Variants in DCP1B observed in about 807,000 individuals in gnomAD.
DCP1B encodes decapping mRNA 1B, also known as mRNA-decapping enzyme 1B.
Under a neutral mutation model 60.5 loss-of-function variants are expected in DCP1B, and 47 were observed. The ratio of observed to expected loss-of-function variants is 0.78; its 90% CI spans 0.61 to 0.99. The LOEUF is 0.99. Ranked by LOEUF, DCP1B falls within the 50% of genes least tolerant of loss-of-function variation. DCP1B has a pLI of 0.00. For synonymous variants in DCP1B, 267 were observed against 280.3 expected (o/e 0.95, Z 0.47); for missense variants, 725 against 756.8 (o/e 0.96, Z 0.49).
intron 4 of DCP1B, among the ~76,000 whole-genome samples, chr12:1,967,473 G>A (rs1160174678): frequency 1.3e-5 from 2 of 152,186 alleles, no homozygotes; most frequent in Admixed American, 6.5e-5. Context: ...TTACAGAATC[G>A]GGAGCAGACT....
intron 7 of DCP1B, among the ~76,000 whole-genome samples, chr12:1,952,106 A>T (rs936737787): frequency 6.6e-6 from 1 of 152,226 alleles, no homozygotes. Context: ...TACGTGACAC[A>T]TTGGTCCCTA....
chr12:1,961,861 T>C, intron 5 of DCP1B, among the ~76,000 whole-genome samples: 1 of 152,166 alleles, frequency 6.6e-6, no homozygotes, highest in Middle Eastern at 3.2e-3. Flanking sequence ...CAGAACCGTA[T>C]ATGAGTGTTT....
At chr12:1,950,396 T>C (rs2030621730) in intron 7 of DCP1B, 1 of 702,270 alleles carries the variant, frequency 1.4e-6, no homozygotes, top group Non-Finnish European at 2.6e-6. Context: ...TCAAGGGAGT[T>C]GTACATCAGA....
At chr12:1,945,527 T>C (rs1481849089), downstream of DCP1B, among the ~76,000 whole-genome samples, 7 of 152,324 alleles carry the variant, frequency 4.6e-5, no homozygotes, top group Non-Finnish European at 8.8e-5. Flanking sequence ...ACCCAAAGGA[T>C]TGTAACTCTA....
intron 5 of DCP1B, among the ~76,000 whole-genome samples, chr12:1,958,525 G>A (rs563599954): frequency 2.8e-5 from 4 of 143,072 alleles, no homozygotes; most frequent in South Asian, 2.3e-4. Context: ...CCCTAACGTC[G>A]CTCTGCGCAA....
At chr12:1,965,132 T>C (rs1203997693) in intron 5 of DCP1B, among the ~76,000 whole-genome samples, 1 of 152,208 alleles carries the variant, frequency 6.6e-6, no homozygotes, top group Non-Finnish European at 1.5e-5. Context: ...TATATTTCCA[T>C]TTGTTTGAGT....
chr12:1,955,815 C>G (rs2030864843), intron 5 of DCP1B, among the ~76,000 whole-genome samples: 2 of 152,252 alleles, frequency 1.3e-5, no homozygotes, highest in Admixed American at 1.3e-4. Flanking sequence ...ACCAGGGGTT[C>G]TTAAGACACC....
Position 1,971,689 on chromosome 12 carries a change from C to T in DCP1B, c.320-3779G>A, listed in dbSNP as rs146252613. 5.2e-4 allele frequency among the ~76,000 whole-genome samples: 79 copies of T among 152,306 alleles called. No homozygotes were observed. The highest frequency in any genetic ancestry group is 1.7e-3 in the African/African-American group (72 of 41,568). ...GCCATTAAAGGCAGTGTCATGTCAG[C>T]GTCATTCAAATGTACATTTTCATTT... is the stretch of plus-strand genomic sequence containing the variant. On this transcript the variant is annotated intron_variant, in intron 3 of 8. Coordinates refer to ENST00000280665, the MANE Select transcript of DCP1B (RefSeq NM_152640.5). The surrounding 1 kb of genome is among the most constrained non-coding windows in gnomAD (Gnocchi z 4.2).
At chr12:1,959,340 A>G (rs2031036116) in intron 5 of DCP1B, among the ~76,000 whole-genome samples, 1 of 152,248 alleles carries the variant, frequency 6.6e-6, no homozygotes, top group African/African-American at 2.4e-5. Context: ...ACATACGATA[A>G]GAGATTCATG....
intron 3 of DCP1B, among the ~76,000 whole-genome samples, chr12:1,975,212 A>G (rs1309069608): frequency 1.3e-5 from 2 of 152,132 alleles, no homozygotes; most frequent in Non-Finnish European, 2.9e-5. Context: ...AAAACCCTTT[A>G]TGTTTAAACA....
intron 5 of DCP1B, among the ~76,000 whole-genome samples, chr12:1,963,603 T>C (rs1183152999): frequency 6.6e-6 from 1 of 152,212 alleles, no homozygotes; most frequent in Non-Finnish European, 1.5e-5. Context: ...TTTAATCCAT[T>C]GTAGTCACTC....
At chr12:1,996,531 A>G (rs557307465) in intron 2 of DCP1B, among the ~76,000 whole-genome samples, 1 of 149,060 alleles carries the variant, frequency 6.7e-6, no homozygotes, top group East Asian at 2.0e-4. Flanking sequence ...AGGGGTGTCC[A>G]ATCTTTTGGC....
intron 1 of DCP1B, among the ~76,000 whole-genome samples, chr12:2,000,234 A>G (rs2041878712): frequency 6.6e-6 from 1 of 152,240 alleles, no homozygotes; most frequent in Non-Finnish European, 1.5e-5. Context: ...TTACATTGTT[A>G]GGAAACTGAG....
At chr12:1,991,141 T>C (rs2039306837) in intron 3 of DCP1B, 1 of 456,118 alleles carries the variant, frequency 2.2e-6, no homozygotes, top group Non-Finnish European at 4.4e-6. Context: ...CATCCATGTT[T>C]AATAGTAGAG....
At chr12:1,975,104 C>T (rs2033907370) in intron 3 of DCP1B, among the ~76,000 whole-genome samples, 1 of 152,126 alleles carries the variant, frequency 6.6e-6, no homozygotes, top group Non-Finnish European at 1.5e-5. Flanking sequence ...GTGCTACTTC[C>T]TGATTAAAGA....
chr12:1,987,502 C>T (rs1480732748), intron 3 of DCP1B, among the ~76,000 whole-genome samples: 1 of 152,014 alleles, frequency 6.6e-6, no homozygotes, highest in Admixed American at 6.6e-5. Flanking sequence ...GCAAATAGAA[C>T]CCTTCTCTAG....
intron 5 of DCP1B, among the ~76,000 whole-genome samples, chr12:1,958,093 T>C (rs1486035813): frequency 2.0e-5 from 3 of 150,806 alleles, no homozygotes; most frequent in Non-Finnish European, 4.4e-5. Context: ...GCTTTTTCTA[T>C]GAACCTCCTG....
intron 3 of DCP1B, among the ~76,000 whole-genome samples, chr12:1,972,842 G>T (rs1196748971): frequency 5.2e-4 from 79 of 152,224 alleles, no homozygotes; most frequent in Non-Finnish European, 1.0e-4. Context: ...GGGAGGGAGG[G>T]AGAGGGAGAA....
intron 3 of DCP1B, chr12:1,991,567 T>C (rs2039430573): frequency 4.1e-6 from 1 of 246,096 alleles, no homozygotes; most frequent in African/African-American, 2.3e-5. Context: ...TTTTGCACTG[T>C]CTGACAGTTG....
Sources: allele counts gnomAD v4.1 joint callset (sites outside exome capture counted in the v4.1 genomes callset), GRCh38; gene constraint gnomAD v4.1.1; non-coding constraint Gnocchi (gnomAD v3.1); transcripts MANE v1.5; gene names NCBI Gene and HGNC (gene_info 2026-07-23, HGNC 2026-07-21).